The following SYN3 variants were observed in gnomAD, a reference collection of about 807,000 sequenced individuals.
The protein encoded by SYN3 is synapsin III.
A neutral mutation model predicts 65.8 loss-of-function variants in SYN3; 35 were observed. That is an observed-to-expected ratio of 0.53 (90% CI 0.41 to 0.70). The LOEUF is 0.70. SYN3 is among the 30% of genes least tolerant of loss of function. The probability of loss-of-function intolerance (pLI) is 0.00; values close to 1 mark genes in which losing one functional copy is unlikely to be tolerated. For missense variants in SYN3, 680 were observed against 749.0 expected (o/e 0.91, Z 1.08); for synonymous variants, 270 against 292.9 (o/e 0.92, Z 0.80).
intron 6 of SYN3, among the ~76,000 whole-genome samples, chr22:32,651,593 C>G (rs2060071987): frequency 8.5e-6 from 1 of 118,164 alleles, no homozygotes; most frequent in African/African-American, 2.9e-5. Context: ...AATGAAAAGG[C>G]TTTAAACTGA....
intron 6 of SYN3, among the ~76,000 whole-genome samples, chr22:32,760,746 G>A: frequency 6.6e-6 from 1 of 152,208 alleles, no homozygotes; most frequent in Non-Finnish European, 1.5e-5. Context: ...GAGAAGATGA[G>A]GAAAATGTCA....
chr22:32,765,779 T>C (rs1372300767), intron 6 of SYN3, among the ~76,000 whole-genome samples: 3 of 152,214 alleles, frequency 2.0e-5, no homozygotes, highest in South Asian at 2.1e-4. Flanking sequence ...CAAAAAAAGA[T>C]CACACACCAC....
intron 6 of SYN3, among the ~76,000 whole-genome samples, chr22:32,635,432 A>G (rs932855630): frequency 6.6e-6 from 1 of 152,204 alleles, no homozygotes; most frequent in Non-Finnish European, 1.5e-5. Flanking sequence ...ACAGGGAAAT[A>G]TTTACTCACA....
At chr22:32,892,711 C>A in intron 4 of SYN3, among the ~76,000 whole-genome samples, 1 of 152,182 alleles carries the variant, frequency 6.6e-6, no homozygotes, top group African/African-American at 2.4e-5. Flanking sequence ...TCACCTCCCA[C>A]CCATCTCCCA....
intron 3 of SYN3, among the ~76,000 whole-genome samples, chr22:32,935,482 C>A (rs2050749593): frequency 7.3e-6 from 1 of 136,200 alleles, no homozygotes; most frequent in African/African-American, 2.8e-5. Context: ...TGGAGTTTCA[C>A]TCTTGTTGCG....
intron 1 of SYN3, among the ~76,000 whole-genome samples, chr22:33,042,647 T>C (rs1012526101): frequency 6.6e-6 from 1 of 152,202 alleles, no homozygotes; most frequent in Non-Finnish European, 1.5e-5. Context: ...CACCTGCTCC[T>C]GTCCCCAGCA....
At chr22:32,765,029 C>A (rs967692203) in intron 6 of SYN3, among the ~76,000 whole-genome samples, 4 of 151,930 alleles carry the variant, frequency 2.6e-5, no homozygotes, top group Admixed American at 6.6e-5. Context: ...CCCCACCCCA[C>A]CCCACTGTCC....
chr22:32,802,209 T>C, intron 6 of SYN3: 1 of 1,501,586 alleles, frequency 6.7e-7, no homozygotes, highest in Middle Eastern at 1.7e-4. Context: ...CCCCACTCCT[T>C]TCCTCTGCCC....
At chr22:32,960,423 C>T (rs2051611013) in intron 3 of SYN3, among the ~76,000 whole-genome samples, 1 of 152,150 alleles carries the variant, frequency 6.6e-6, no homozygotes, top group African/African-American at 2.4e-5. Flanking sequence ...CCCACAAATT[C>T]ACAATAAAAG....
At chr22:32,687,354 G>T (rs2060605009) in intron 6 of SYN3, among the ~76,000 whole-genome samples, 1 of 151,012 alleles carries the variant, frequency 6.6e-6, no homozygotes, top group South Asian at 2.1e-4. Context: ...AGTAGAGACA[G>T]GGTTTCACCA....
intron 7 of SYN3, among the ~76,000 whole-genome samples, chr22:32,551,694 T>C (rs537035896): frequency 5.4e-4 from 82 of 152,192 alleles, no homozygotes; most frequent in Non-Finnish European, 9.8e-4. Flanking sequence ...ATTATTATTA[T>C]GTTTTTAGGT....
intron 6 of SYN3, among the ~76,000 whole-genome samples, chr22:32,739,320 G>A (rs753114647): frequency 6.6e-5 from 10 of 151,024 alleles, no homozygotes; most frequent in Non-Finnish European, 1.2e-4. Context: ...TTTGCCTTCC[G>A]CCATGATTGT....
At chr22:32,699,297 C>T (rs534283890) in intron 6 of SYN3, among the ~76,000 whole-genome samples, 9 of 152,322 alleles carry the variant, frequency 5.9e-5, no homozygotes, top group African/African-American at 2.2e-4. Flanking sequence ...GTTCTGACAA[C>T]CCAGACCTCC....
rs2053203798 is a variant in SYN3 at position 33,006,573 on chromosome 22, G to A, written c.90C>T (p.Ser30=). ...GYMTDLQRPD[S]STSSPASPAM... ...CGGGGGAAGCAGGTGAGCTGGTGGA[G>A]CTATCTGGGCGTTGCAGGTCCGTCA... Residue 30 remains serine (S), a synonymous_variant, in exon 2 of 14, where the codon AGC becomes AGT. Transcript: ENST00000358763. The A allele has an allele frequency of 6.2e-7, 1 of 1,614,046 alleles. No individual in the cohort carries two copies. The highest frequency in any genetic ancestry group is 1.3e-5 in the African/African-American group (1 of 74,942).
intron 7 of SYN3, among the ~76,000 whole-genome samples, chr22:32,561,326 C>T (rs2058583796): frequency 6.6e-6 from 1 of 152,150 alleles, no homozygotes; most frequent in Admixed American, 6.5e-5. Context: ...GGTGTTTAGG[C>T]CAGTTTGAAC....
intron 6 of SYN3, among the ~76,000 whole-genome samples, chr22:32,649,430 A>G (rs2060030136): frequency 6.6e-6 from 1 of 152,220 alleles, no homozygotes; most frequent in South Asian, 2.1e-4. Flanking sequence ...ATTTTCGTAT[A>G]GTCTATTTAA....
At chr22:32,887,008 C>CTTGCT (rs2049312169) in intron 4 of SYN3, among the ~76,000 whole-genome samples, 2 of 151,646 alleles carry the variant, frequency 1.3e-5, no homozygotes, top group Non-Finnish European at 2.9e-5. Context: ...AATGCTACGT[C>CTTGCT]AGATAAGTCT....
chr22:32,766,263 C>T (rs886666280), intron 6 of SYN3, among the ~76,000 whole-genome samples: 1 of 152,182 alleles, frequency 6.6e-6, no homozygotes, highest in African/African-American at 2.4e-5. Flanking sequence ...AGCTGTGTAT[C>T]TGCAGGCTTT....
chr22:32,778,611 C>T (rs951094964), intron 6 of SYN3, among the ~76,000 whole-genome samples: 3 of 152,204 alleles, frequency 2.0e-5, no homozygotes, highest in Middle Eastern at 3.4e-3. Flanking sequence ...TTTTTTTAAT[C>T]TCCTGTTTCC....
Sources: gnomAD v4.1 joint callset for allele counts (sites outside exome capture counted in the v4.1 genomes callset) on GRCh38, gnomAD v4.1.1 for gene constraint, MANE v1.5 for transcripts, NCBI Gene and HGNC (gene_info 2026-07-23, HGNC 2026-07-21) for gene names.